MAST4: variants seen among roughly 807,000 people sequenced by gnomAD.
MAST4 encodes the protein microtubule-associated serine/threonine-protein kinase 4.
In MAST4, 89 loss-of-function variants were observed where a neutral mutation model predicts 162.7. That is an observed-to-expected ratio of 0.55 (90% CI 0.46 to 0.65). MAST4 has a LOEUF of 0.65. Ranked by LOEUF, MAST4 falls within the 30% of genes least tolerant of loss-of-function variation. The probability of loss-of-function intolerance (pLI) is 0.00; values close to 1 mark genes in which losing one functional copy is unlikely to be tolerated. For missense variants in MAST4, 3,153 were observed against 3,374.0 expected (o/e 0.93, Z 1.62); for synonymous variants, 1,479 against 1,361.1 (o/e 1.09, Z -1.91).
chr5:66,875,632 A>G (rs1350351120), intron 3 of MAST4, among the ~76,000 whole-genome samples: 3 of 152,202 alleles, frequency 2.0e-5, no homozygotes, highest in African/African-American at 7.2e-5. Flanking sequence ...AGTTATGATT[A>G]CTGTTACCAT....
intron 4 of MAST4, among the ~76,000 whole-genome samples, chr5:67,029,132 T>TTA (rs1755012898): frequency 7.4e-6 from 1 of 135,260 alleles, no homozygotes; most frequent in Non-Finnish European, 1.6e-5. Context: ...AGACACTCTC[T>TTA]CAAAAAAAAA....
At chr5:66,997,858 A>C (rs1013057966) in intron 4 of MAST4, among the ~76,000 whole-genome samples, 1 of 152,230 alleles carries the variant, frequency 6.6e-6, no homozygotes, top group African/African-American at 2.4e-5. Flanking sequence ...GATATAACTT[A>C]ATAGAACTCC....
intron 27 of MAST4, among the ~76,000 whole-genome samples, chr5:67,160,987 C>T (rs1353041336): frequency 1.3e-5 from 2 of 152,152 alleles, no homozygotes; most frequent in Non-Finnish European, 2.9e-5. Flanking sequence ...TTTTAAAATG[C>T]CAGATATTCT....
At chr5:67,062,383 G>T (rs1257025611) in intron 5 of MAST4, among the ~76,000 whole-genome samples, 1 of 152,058 alleles carries the variant, frequency 6.6e-6, no homozygotes, top group African/African-American at 2.4e-5. Flanking sequence ...GGGCGACAGA[G>T]CAAGATGGTC....
chr5:67,066,488 T>A (rs1581415818), intron 5 of MAST4, among the ~76,000 whole-genome samples: 1 of 151,844 alleles, frequency 6.6e-6, no homozygotes, highest in Non-Finnish European at 1.5e-5. Context: ...TAATTTTATG[T>A]CTATATCATT....
Position 66,807,603 on chromosome 5 carries a change from A to G in MAST4, c.642+18809A>G, listed in dbSNP as rs150254289. ...ATTCATTCTTTCTATTTTTATGTGT[A>G]TCCATTAACTGTTCCCACATTTGAT... is the stretch of plus-strand genomic sequence containing the variant. On this transcript the variant is annotated intron_variant, in intron 3 of 28. Transcript: ENST00000403625. 5.8e-3 allele frequency among the ~76,000 whole-genome samples: 886 copies of G among 152,050 alleles called. 12 individuals are homozygous for G. The highest frequency in any genetic ancestry group is 0.021 in the African/African-American group (855 of 41,490).
chr5:67,072,667 G>A (rs1046767800), intron 5 of MAST4, among the ~76,000 whole-genome samples: 2 of 152,174 alleles, frequency 1.3e-5, no homozygotes, highest in East Asian at 1.9e-4. Flanking sequence ...GAAGTAGGTT[G>A]TATACAAGAT....
intron 3 of MAST4, among the ~76,000 whole-genome samples, chr5:66,869,976 A>G (rs529910054): frequency 1.3e-5 from 2 of 152,312 alleles, no homozygotes; most frequent in African/African-American, 2.4e-5. Flanking sequence ...GTAAAACTCT[A>G]TACCATTAAT....
intron 3 of MAST4, among the ~76,000 whole-genome samples, chr5:66,805,999 C>T (rs1027038485): frequency 5.9e-5 from 9 of 152,186 alleles, no homozygotes; most frequent in African/African-American, 2.2e-4. Context: ...TAGAGGTGTT[C>T]TCTGCTATGG....
chr5:66,903,560 G>C (rs1425131368), intron 4 of MAST4, among the ~76,000 whole-genome samples: 2 of 151,840 alleles, frequency 1.3e-5, no homozygotes, highest in African/African-American at 2.4e-5. Flanking sequence ...ACACCAATTG[G>C]TTCTTCCCAG....
At chr5:66,990,760 T>A (rs1295400499) in intron 4 of MAST4, among the ~76,000 whole-genome samples, 3 of 152,252 alleles carry the variant, frequency 2.0e-5, no homozygotes, top group African/African-American at 7.2e-5. Context: ...ATGAGACTTT[T>A]TCTTAAGTTA....
intron 1 of MAST4, among the ~76,000 whole-genome samples, chr5:66,750,350 G>A (rs1354149586): frequency 6.6e-6 from 1 of 152,228 alleles, no homozygotes; most frequent in Non-Finnish European, 1.5e-5. Flanking sequence ...GAGCGACGCA[G>A]GAAACGGTGA....
At chr5:67,084,091 G>A (rs1205433132) in intron 5 of MAST4, among the ~76,000 whole-genome samples, 1 of 152,182 alleles carries the variant, frequency 6.6e-6, no homozygotes, top group Non-Finnish European at 1.5e-5. Flanking sequence ...CAGAGAAACA[G>A]CTTCATGAAA....
At chr5:67,118,644 A>G (rs2150943422) in intron 12 of MAST4, 38 bp from the exon 13 acceptor site, 1 of 1,294,266 alleles carries the variant, frequency 7.7e-7, no homozygotes, top group South Asian at 1.3e-5. Context: ...CAATTGCAAT[A>G]TTTTTATTAA....
At chr5:67,087,198 T>G (rs550779519) in intron 5 of MAST4, among the ~76,000 whole-genome samples, 1 of 152,324 alleles carries the variant, frequency 6.6e-6, no homozygotes, top group Admixed American at 6.5e-5. Context: ...TCAGTCATTT[T>G]CCCAATCTAC....
At chr5:66,780,444 G>A (rs918782894) in intron 2 of MAST4, among the ~76,000 whole-genome samples, 1 of 152,164 alleles carries the variant, frequency 6.6e-6, no homozygotes, top group African/African-American at 2.4e-5. Context: ...CTTCAGATAT[G>A]TCCAGAGTTT....
At chr5:67,162,420 T>A (rs1773294655) in intron 27 of MAST4, among the ~76,000 whole-genome samples, 187 bp from the exon 28 acceptor site, 1 of 152,228 alleles carries the variant, frequency 6.6e-6, no homozygotes, top group Non-Finnish European at 1.5e-5. Context: ...TGTCTACTAT[T>A]AAATACTCTT....
intron 3 of MAST4, among the ~76,000 whole-genome samples, chr5:66,853,980 G>A (rs1288048408): frequency 2.0e-5 from 3 of 152,146 alleles, no homozygotes; most frequent in African/African-American, 4.8e-5. Flanking sequence ...TAGGGAAGTT[G>A]CATAAATAGA....
At position 67,100,491 on chromosome 5, in the gene MAST4, C is replaced by T. The variant is rs55998157; in HGVS notation, c.969C>T (p.Asp323=). 116 of 1,613,922 alleles carry T rather than the reference C, an allele frequency of 7.2e-5. No homozygotes were observed. The highest frequency in any genetic ancestry group is 8.0e-5 in the Non-Finnish European group (94 of 1,179,854). The change falls in exon 8 of 29, where the codon GAC becomes GAT. Residue 323 remains aspartate, a synonymous_variant. Transcript: ENST00000403625. ...LHQLPYQPTP[D]ELHFLSKHFC... ...AGTTACCATACCAACCAACACCAGA[C>T]GAGTTACACTTCTTATCAAAACATT...
Sources: gnomAD v4.1 joint callset for allele counts (sites outside exome capture counted in the v4.1 genomes callset) on GRCh38, gnomAD v4.1.1 for gene constraint, MANE v1.5 for transcripts, NCBI Gene and HGNC (gene_info 2026-07-23, HGNC 2026-07-21) for gene names.